The following XIRP2 variants were observed in gnomAD, a reference collection of about 807,000 sequenced individuals.
The protein encoded by XIRP2 is xin actin-binding repeat-containing protein 2.
Under a neutral mutation model 277.0 loss-of-function variants are expected in XIRP2, and 236 were observed. The ratio of observed to expected loss-of-function variants is 0.85; its 90% CI spans 0.77 to 0.95. The LOEUF is 0.95. Among genes scored for constraint, XIRP2 ranks in the 40% least tolerant of loss-of-function variants. XIRP2 has a pLI of 0.00. For synonymous variants in XIRP2, 1,490 were observed against 1,416.5 expected (o/e 1.05, Z -1.17); for missense variants, 4,640 against 4,157.5 (o/e 1.12, Z -3.19).
At chr2:166,891,323 G>A (rs113311712) in intron 1 of XIRP2, among the ~76,000 whole-genome samples, 1,731 of 152,160 alleles carry the variant, frequency 0.011, 35 homozygotes, top group African/African-American at 0.04. Context: ...ATAAACAAAT[G>A]CATTGTTCCT....
rs755784552 is a variant in XIRP2, at chr2:167,240,737, G to A, written c.1042+1G>A. ...TTTCATCAATATGTTCAAGAAACTG[G>A]TAAGAGTCTGGTATTATTGGTTCCA... On this transcript the variant is annotated splice_donor_variant, in intron 7 of 10. Coordinates refer to ENST00000409195, the MANE Select transcript of XIRP2 (RefSeq NM_152381.6). LOFTEE classifies it high-confidence loss of function. 1 of 1,612,336 alleles carries A rather than the reference G, an allele frequency of 6.2e-7. No homozygotes were observed. Among genetic ancestry groups the A allele is most frequent in the Non-Finnish European group, 8.5e-7 (1 of 1,178,578 alleles).
chr2:166,909,418 G>T (rs1018248044), intron 2 of XIRP2, among the ~76,000 whole-genome samples: 1 of 152,090 alleles, frequency 6.6e-6, no homozygotes, highest in African/African-American at 2.4e-5. Context: ...CTCTCTGTTT[G>T]TCTGTTATTG....
chr2:167,195,095 T>C (rs1159091544), intron 3 of XIRP2, among the ~76,000 whole-genome samples: 1 of 152,134 alleles, frequency 6.6e-6, no homozygotes, highest in Non-Finnish European at 1.5e-5. Flanking sequence ...TGTTGTGTTG[T>C]TAAAAACACC....
At chr2:167,184,329 G>A (rs1433428021) in intron 3 of XIRP2, among the ~76,000 whole-genome samples, 1 of 152,104 alleles carries the variant, frequency 6.6e-6, no homozygotes, top group East Asian at 1.9e-4. Flanking sequence ...AGAGATACTT[G>A]TTTGTTAAGT....
intron 2 of XIRP2, among the ~76,000 whole-genome samples, chr2:166,912,295 C>T (rs568362743): frequency 6.6e-6 from 1 of 152,290 alleles, no homozygotes; most frequent in East Asian, 1.9e-4. Flanking sequence ...TTCTTGGAGG[C>T]TTTGTTCCTT....
In XIRP2 at chr2:167,258,688, A is replaced by C; in HGVS notation, c.*871A>C. ...AGAATAATAATAACAATTATGTAGC[A>C]GTCTCATATCTGAATAATTGCAGGC... On this transcript the variant is annotated 3_prime_UTR_variant, in exon 11 of 11. Coordinates refer to ENST00000409195, the MANE Select transcript of XIRP2 (RefSeq NM_152381.6). 6.2e-7 allele frequency: 1 copy of C among 1,612,618 alleles called. No individual in the cohort carries two copies. The highest frequency in any genetic ancestry group is 8.5e-7 in the Non-Finnish European group (1 of 1,179,322).
intron 2 of XIRP2, among the ~76,000 whole-genome samples, chr2:166,949,456 A>G (rs1177808980): frequency 6.6e-6 from 1 of 152,068 alleles, no homozygotes; most frequent in Non-Finnish European, 1.5e-5. Flanking sequence ...GGTTGACTTC[A>G]TCTTGGTCCT....
At chr2:167,101,359 G>C (rs889941216) in intron 2 of XIRP2, among the ~76,000 whole-genome samples, 1 of 152,136 alleles carries the variant, frequency 6.6e-6, no homozygotes, top group Non-Finnish European at 1.5e-5. Context: ...GCAACAGGTG[G>C]TGTTTGGTTG....
chr2:167,064,026 G>T (rs1350865265), intron 2 of XIRP2, among the ~76,000 whole-genome samples: 1 of 151,502 alleles, frequency 6.6e-6, no homozygotes, highest in Non-Finnish European at 1.5e-5. Flanking sequence ...CTTTGTTAAA[G>T]TTAATCAAAT....
At chr2:167,111,067 C>T (rs749479245) in intron 2 of XIRP2, among the ~76,000 whole-genome samples, 11 of 152,052 alleles carry the variant, frequency 7.2e-5, no homozygotes, top group Admixed American at 1.3e-4. Flanking sequence ...GATCAAGGAG[C>T]TTTTGGACCC....
intron 10 of XIRP2, among the ~76,000 whole-genome samples, chr2:167,257,644 A>G (rs754904961): frequency 3.3e-5 from 5 of 151,988 alleles, no homozygotes; most frequent in Non-Finnish European, 7.4e-5. Flanking sequence ...CCAATACCTG[A>G]CACACATCAT....
intron 3 of XIRP2, among the ~76,000 whole-genome samples, chr2:167,159,181 G>C (rs1692290588): frequency 6.6e-6 from 1 of 152,102 alleles, no homozygotes. Flanking sequence ...CATGCTGCTG[G>C]CTGCAGTGCA....
intron 2 of XIRP2, among the ~76,000 whole-genome samples, chr2:166,916,855 T>C (rs989223994): frequency 1.3e-5 from 2 of 152,172 alleles, no homozygotes; most frequent in Admixed American, 6.5e-5. Flanking sequence ...TAATCCTTAG[T>C]TTTCATATCT....
In XIRP2 at chr2:167,249,358, A is replaced by G. The variant is rs754469521; in HGVS notation, c.7966A>G (p.Lys2656Glu). 1 of 1,613,772 alleles carries G rather than the reference A, an allele frequency of 6.2e-7. No individual in the cohort carries two copies. The highest frequency in any genetic ancestry group is 2.2e-5 in the East Asian group (1 of 44,830). ...AGCTTCAGAAGACAAAGATAAGATG[A>G]AAAAGGAAGTTTTACAAAGCTCAAG... ...LAASEDKDKM[K>E]KEVLQSSRDI... Residue 2656 changes from lysine to glutamate, a missense_variant, in exon 9 of 11, where the codon AAA becomes GAA. Coordinates refer to ENST00000409195, the MANE Select transcript of XIRP2 (RefSeq NM_152381.6).
At chr2:167,129,651 A>G (rs929982395) in intron 2 of XIRP2, among the ~76,000 whole-genome samples, 5 of 152,118 alleles carry the variant, frequency 3.3e-5, no homozygotes, top group African/African-American at 9.6e-5. Flanking sequence ...CAAGTGGATC[A>G]CCTGAGGTTG....
At chr2:166,909,738 A>G (rs1360767106) in intron 2 of XIRP2, among the ~76,000 whole-genome samples, 1 of 152,138 alleles carries the variant, frequency 6.6e-6, no homozygotes, top group African/African-American at 2.4e-5. Flanking sequence ...ATTTAGTATG[A>G]TATTGGCTGT....
intron 3 of XIRP2, among the ~76,000 whole-genome samples, chr2:167,153,594 T>C (rs1692087280): frequency 6.6e-6 from 1 of 151,774 alleles, no homozygotes; most frequent in African/African-American, 2.4e-5. Context: ...GAGTGGGATG[T>C]TCCCCTTCCT....
intron 2 of XIRP2, among the ~76,000 whole-genome samples, chr2:167,108,796 T>C (rs1270851123): frequency 1.3e-5 from 2 of 151,884 alleles, no homozygotes; most frequent in African/African-American, 4.8e-5. Context: ...CCAAAATCTA[T>C]AGTGTGATTA....
At chr2:167,160,615 C>T (rs1317151989) in intron 3 of XIRP2, among the ~76,000 whole-genome samples, 4 of 152,164 alleles carry the variant, frequency 2.6e-5, no homozygotes, top group African/African-American at 9.7e-5. Flanking sequence ...GACTTATTCA[C>T]TATCATGAGA....
Sources: allele counts gnomAD v4.1 joint callset (sites outside exome capture counted in the v4.1 genomes callset), GRCh38; gene constraint gnomAD v4.1.1; transcripts MANE v1.5; gene names NCBI Gene and HGNC (gene_info 2026-07-23, HGNC 2026-07-21).